The following GFRAL variants were observed in gnomAD, a reference collection of about 807,000 sequenced individuals.
GFRAL encodes GDNF family receptor alpha-like.
A neutral mutation model predicts 45.4 loss-of-function variants in GFRAL; 36 were observed. The ratio of observed to expected loss-of-function variants is 0.79; its 90% CI spans 0.61 to 1.05. The LOEUF is 1.05. Among genes scored for constraint, GFRAL ranks in the 50% least tolerant of loss-of-function variants. The pLI is 0.00. For synonymous variants in GFRAL, 166 were observed against 154.1 expected (o/e 1.08, Z -0.57); for missense variants, 507 against 467.5 (o/e 1.08, Z -0.78).
At chr6:55,336,321 A>G (rs1342231599) in intron 3 of GFRAL, among the ~76,000 whole-genome samples, 1 of 152,216 alleles carries the variant, frequency 6.6e-6, no homozygotes, top group African/African-American at 2.4e-5. Context: ...TTTTGACTGA[A>G]CTTACCTTGA....
chr6:55,396,631 C>A (rs1474880345), intron 6 of GFRAL, among the ~76,000 whole-genome samples: 3 of 151,718 alleles, frequency 2.0e-5, no homozygotes, highest in African/African-American at 7.3e-5. Flanking sequence ...TTTAAATACA[C>A]AATTTTATTG....
chr6:55,399,902 T>C (rs887642898), intron 8 of GFRAL, among the ~76,000 whole-genome samples: 1 of 152,274 alleles, frequency 6.6e-6, no homozygotes, highest in African/African-American at 2.4e-5. Context: ...TAATAGGCAA[T>C]TATTGAAAAA....
At chr6:55,344,386 A>G (rs1160011979) in intron 3 of GFRAL, among the ~76,000 whole-genome samples, 2 of 152,240 alleles carry the variant, frequency 1.3e-5, no homozygotes, top group African/African-American at 4.8e-5. Context: ...GGTTCAAAGC[A>G]TACGCAAATC....
chr6:55,366,278 G>T (rs1194649935), intron 6 of GFRAL, among the ~76,000 whole-genome samples: 1 of 150,226 alleles, frequency 6.7e-6, no homozygotes, highest in African/African-American at 2.4e-5. Flanking sequence ...TATGGGATCG[G>T]TAGTGACATC....
intron 6 of GFRAL, among the ~76,000 whole-genome samples, chr6:55,379,907 G>A (rs938859349): frequency 1.3e-5 from 2 of 151,856 alleles, no homozygotes; most frequent in Non-Finnish European, 1.5e-5. Flanking sequence ...TGTGGTATTT[G>A]TCTCTCTGTG....
intron 6 of GFRAL, among the ~76,000 whole-genome samples, chr6:55,379,574 TACACAC>T (rs66953657): frequency 5.1e-5 from 6 of 117,946 alleles, no homozygotes; most frequent in African/African-American, 1.5e-4. Flanking sequence ...TGTTTTGAAA[TACACAC>T]ACACACACAC....
chr6:55,341,731 A>C (rs9968864), intron 3 of GFRAL, among the ~76,000 whole-genome samples: 3,052 of 152,180 alleles, frequency 0.02, 106 homozygotes, highest in African/African-American at 0.069. Flanking sequence ...CTCTGAGCTA[A>C]AGGAGGATGT....
chr6:55,396,713 T>TA (rs1301723789), intron 6 of GFRAL, among the ~76,000 whole-genome samples: 1 of 151,952 alleles, frequency 6.6e-6, no homozygotes, highest in South Asian at 2.1e-4. Flanking sequence ...GACCCCTTAT[T>TA]AAAAAAAAGT....
chr6:55,389,489 T>G (rs1768720701), intron 6 of GFRAL, among the ~76,000 whole-genome samples: 1 of 152,116 alleles, frequency 6.6e-6, no homozygotes, highest in Admixed American at 6.6e-5. Context: ...AAAAAATAGC[T>G]CCTGTTGTAT....
Position 55,378,591 on chromosome 6 carries a change from C to T in GFRAL, c.952+19453C>T, listed in dbSNP as rs770918767. ...CTCTGTGGTAGATACTCTCTGCTGG[C>T]AAAAATCTGAGACAGAAAAATTTGC... On this transcript the variant is annotated intron_variant, in intron 6 of 8. Coordinates refer to ENST00000340465, the MANE Select transcript of GFRAL (RefSeq NM_207410.2). Among the ~76,000 whole-genome samples the T allele has an allele frequency of 2.6e-5, 4 of 151,912 alleles. 1 individual carries two copies. In the South Asian group the frequency reaches 8.3e-4, roughly 32 times the overall value.
At chr6:55,354,946 T>C (rs1437104690) in intron 5 of GFRAL, among the ~76,000 whole-genome samples, 1 of 151,774 alleles carries the variant, frequency 6.6e-6, no homozygotes, top group Non-Finnish European at 1.5e-5. Context: ...CTCAGGGAGG[T>C]GAGATTATGT....
intron 2 of GFRAL, among the ~76,000 whole-genome samples, chr6:55,332,733 A>G (rs1767846468): frequency 6.6e-6 from 1 of 152,088 alleles, no homozygotes; most frequent in Non-Finnish European, 1.5e-5. Flanking sequence ...ATATTTCCTT[A>G]AAAAGAAAAA....
intron 6 of GFRAL, among the ~76,000 whole-genome samples, chr6:55,377,049 GC>G (rs902245400): frequency 6.6e-6 from 1 of 152,002 alleles, no homozygotes; most frequent in African/African-American, 2.4e-5. Flanking sequence ...TGCTCAAGCA[GC>G]CAAGAGTGAG....
chr6:55,345,386 A>G (rs1458101073), intron 3 of GFRAL, among the ~76,000 whole-genome samples: 3 of 152,074 alleles, frequency 2.0e-5, no homozygotes, highest in Non-Finnish European at 4.4e-5. Flanking sequence ...CAGAAATAAT[A>G]CCACACATCT....
At chr6:55,397,817 G>A (rs1561869270) in intron 6 of GFRAL, among the ~76,000 whole-genome samples, 2 of 152,160 alleles carry the variant, frequency 1.3e-5, no homozygotes, top group Non-Finnish European at 2.9e-5. Flanking sequence ...CATGTACCTC[G>A]TAAGGACATT....
In GFRAL at chr6:55,402,221, C is replaced by G. The variant is rs1379076304; in HGVS notation, c.*368C>G. 6.2e-6 allele frequency: 1 copy of G among 162,212 alleles called. No homozygotes were observed. Among genetic ancestry groups the G allele is most frequent in the South Asian group, 1.7e-4 (1 of 5,908 alleles). The allele number at this position is 162,212 out of a possible 1,614,324, so 10.0% of individuals were successfully genotyped here. Reference sequence around the variant, plus strand: ...TCTCAAACTCCTGACCTCAGGTGATCCACCCACCTCGGCCTCCCAAAGTGC... The same window carrying G: ...TCTCAAACTCCTGACCTCAGGTGATGCACCCACCTCGGCCTCCCAAAGTGC... On this transcript the variant is annotated 3_prime_UTR_variant, in exon 9 of 9. Coordinates refer to ENST00000340465, the MANE Select transcript of GFRAL (RefSeq NM_207410.2).
chr6:55,382,903 T>C (rs1768629492), intron 6 of GFRAL, among the ~76,000 whole-genome samples: 1 of 151,966 alleles, frequency 6.6e-6, no homozygotes, highest in Non-Finnish European at 1.5e-5. Context: ...TAAATACTAC[T>C]TTTTATCACA....
At chr6:55,401,013 A>G (rs1768890086) in intron 8 of GFRAL, among the ~76,000 whole-genome samples, 1 of 152,174 alleles carries the variant, frequency 6.6e-6, no homozygotes, top group African/African-American at 2.4e-5. Flanking sequence ...TGCTACAGAT[A>G]CAAGATATAG....
intron 6 of GFRAL, among the ~76,000 whole-genome samples, chr6:55,382,202 T>C (rs920124619): frequency 2.0e-5 from 3 of 151,946 alleles, no homozygotes; most frequent in African/African-American, 7.2e-5. Context: ...TTGTAGTCCA[T>C]TGGATTCATA....
Sources: allele counts gnomAD v4.1 joint callset (sites outside exome capture counted in the v4.1 genomes callset), GRCh38; gene constraint gnomAD v4.1.1; transcripts MANE v1.5; gene names NCBI Gene and HGNC (gene_info 2026-07-23, HGNC 2026-07-21).